Variants in NDST4 observed in about 807,000 individuals in gnomAD.
NDST4 encodes N-heparan sulfate sulfotransferase 4.
A neutral mutation model predicts 100.8 loss-of-function variants in NDST4; 63 were observed. That is an observed-to-expected ratio of 0.62 (90% CI 0.51 to 0.77). The LOEUF (loss-of-function observed/expected upper bound fraction) is 0.77. Among genes scored for constraint, NDST4 ranks in the 30% least tolerant of loss-of-function variants. The pLI, the probability that NDST4 is intolerant of heterozygous loss-of-function variation, is 0.00. For synonymous variants in NDST4, 377 were observed against 361.8 expected, an observed-to-expected ratio of 1.04 and a Z score of -0.48; for missense variants, 943 against 1,018.4, an observed-to-expected ratio of 0.93 and a Z score of 1.01.
intron 1 of NDST4, among the ~76,000 whole-genome samples, chr4:115,103,546 T>C (rs867492272): frequency 6.6e-6 from 1 of 152,174 alleles, no homozygotes; most frequent in Admixed American, 6.5e-5. Context: ...TAATAAACCC[T>C]GTAGTTATGG....
chr4:114,920,438 T>G (rs1199208090), intron 6 of NDST4, among the ~76,000 whole-genome samples: 1 of 152,150 alleles, frequency 6.6e-6, no homozygotes, highest in Non-Finnish European at 1.5e-5. Flanking sequence ...TGTGTACCTG[T>G]GTGTGAAAGA....
intron 6 of NDST4, among the ~76,000 whole-genome samples, chr4:114,894,726 C>A (rs987561101): frequency 6.6e-6 from 1 of 152,220 alleles, no homozygotes; most frequent in African/African-American, 2.4e-5. Flanking sequence ...TTTGAATAGG[C>A]TTTATGTCTT....
At chr4:114,831,833 A>T (rs961126268) in intron 12 of NDST4, among the ~76,000 whole-genome samples, 2 of 152,204 alleles carry the variant, frequency 1.3e-5, no homozygotes, top group Non-Finnish European at 2.9e-5. Flanking sequence ...ATCCTCTCTA[A>T]GTTATATCAA....
intron 6 of NDST4, among the ~76,000 whole-genome samples, chr4:114,902,940 CTT>C (rs1724876686): frequency 6.6e-6 from 1 of 152,062 alleles, no homozygotes; most frequent in Non-Finnish European, 1.5e-5. Context: ...ATTTCCATCT[CTT>C]ATATTCTACA....
chr4:114,917,251 T>C (rs938899537), intron 6 of NDST4, among the ~76,000 whole-genome samples: 5 of 152,160 alleles, frequency 3.3e-5, no homozygotes, highest in African/African-American at 4.8e-5. Flanking sequence ...TCAGCACATA[T>C]GCTTTTGTTT....
At chr4:114,868,363 A>G (rs1320813919) in intron 7 of NDST4, among the ~76,000 whole-genome samples, 1 of 152,102 alleles carries the variant, frequency 6.6e-6, no homozygotes, top group Non-Finnish European at 1.5e-5. Context: ...AAGGGTGACA[A>G]TGCTTACCAT....
chr4:114,985,829 G>A (rs1026066242), intron 2 of NDST4, among the ~76,000 whole-genome samples: 1 of 152,166 alleles, frequency 6.6e-6, no homozygotes, highest in African/African-American at 2.4e-5. Flanking sequence ...GTCCACCCTG[G>A]AAAAGTGGCA....
chr4:115,036,323 T>C (rs1340437762), intron 2 of NDST4, among the ~76,000 whole-genome samples: 1 of 151,118 alleles, frequency 6.6e-6, no homozygotes, highest in African/African-American at 2.4e-5. Context: ...TCACTGGTTG[T>C]CATGGTTTAC....
rs777935255 is a variant in NDST4 at position 114,970,499 on chromosome 4, C to T, written c.1152G>A (p.Met384Ile). 1 of 1,614,100 alleles carries T rather than the reference C, an allele frequency of 6.2e-7. No homozygotes were observed. The highest frequency in any genetic ancestry group is 8.5e-7 in the Non-Finnish European group (1 of 1,179,946). ...ACTCGTTGTGGAAGAGGTGGGGCTG[C>T]ATGTGGCTCCACATGTGAGGAAACC... ...FWWFPHMWSH[M>I]QPHLFHNESS... Residue 384 changes from methionine (M) to isoleucine (I), a missense_variant, in exon 4 of 14, where the codon ATG (methionine) becomes ATA (isoleucine). Met to Ile is a conservative substitution (Grantham distance 10, BLOSUM62 1). Around this residue, in one of 2 missense-constraint regions of NDST4, gnomAD observed 526 missense variants for 634.1 expected, o/e 0.83. Transcript: ENST00000264363.
chr4:114,865,158 G>A (rs1186206466), intron 7 of NDST4, among the ~76,000 whole-genome samples: 1 of 151,290 alleles, frequency 6.6e-6, no homozygotes, highest in East Asian at 1.9e-4. Flanking sequence ...TCTGCCTCCT[G>A]GAGTCAAGTG....
chr4:114,969,681 G>A (rs1295156434), intron 4 of NDST4, among the ~76,000 whole-genome samples: 2 of 152,154 alleles, frequency 1.3e-5, no homozygotes, highest in African/African-American at 2.4e-5. Context: ...GTTCCATGGT[G>A]TATATATGGA....
rs543212567 is a variant in NDST4 at position 114,975,221 on chromosome 4, AAT to A, written c.1066+1964_1066+1965del. 1.1e-4 allele frequency among the ~76,000 whole-genome samples: 16 copies of A among 152,240 alleles called. No individual in the cohort carries two copies. In the East Asian group the frequency reaches 2.9e-3, roughly 28 times the overall value. ...CATATAATTATGATGGCACTCTTGA[AAT>A]ATGTTATAGGTGCATTTCAATGATC... On this transcript the variant is annotated intron_variant, in intron 3 of 13. Coordinates refer to ENST00000264363, the MANE Select transcript of NDST4 (RefSeq NM_022569.3).
In NDST4 at chr4:115,022,046, T is replaced by TATA. The variant is rs1396644217; in HGVS notation, c.979-44773_979-44772insTAT. 9.2e-5 allele frequency among the ~76,000 whole-genome samples: 14 copies of TATA among 152,126 alleles called. 1 individual carries two copies. The highest frequency in any genetic ancestry group is 3.4e-4 in the African/African-American group (14 of 41,502). The stretch of plus-strand genomic sequence containing the variant: ...ATGTTCCATATCTCTATGTTCCATA[T>TATA]CTCTATGTTCCATATATACATTCCA... On this transcript the variant is annotated intron_variant, in intron 2 of 13. Transcript: ENST00000264363.
chr4:115,016,806 A>C (rs1727687752), intron 2 of NDST4, among the ~76,000 whole-genome samples: 1 of 152,102 alleles, frequency 6.6e-6, no homozygotes, highest in Admixed American at 6.6e-5. Context: ...TCCAGAATGA[A>C]GGTGTGGGTC....
intron 2 of NDST4, among the ~76,000 whole-genome samples, chr4:115,050,590 T>C (rs1728562544): frequency 6.6e-6 from 1 of 152,172 alleles, no homozygotes; most frequent in Non-Finnish European, 1.5e-5. Context: ...GTAATAACTT[T>C]GTTTTATGGG....
chr4:114,862,292 A>G (rs1466983764), intron 7 of NDST4, among the ~76,000 whole-genome samples: 2 of 152,200 alleles, frequency 1.3e-5, no homozygotes, highest in Non-Finnish European at 2.9e-5. Flanking sequence ...GTTAATGAGT[A>G]CACCATCACT....
At chr4:114,848,780 G>A (rs77912491) in intron 8 of NDST4, among the ~76,000 whole-genome samples, 3,035 of 152,296 alleles carry the variant, frequency 0.02, 133 homozygotes, top group South Asian at 0.18. Context: ...AGAGGTTGAT[G>A]TGCTACTCTG....
At chr4:114,846,324 G>A (rs143126090) in intron 9 of NDST4, among the ~76,000 whole-genome samples, 36 of 152,266 alleles carry the variant, frequency 2.4e-4, no homozygotes, top group African/African-American at 7.9e-4. Context: ...GTGGCAAATA[G>A]CAAATTACAC....
At chr4:114,958,392 C>T (rs1246734400) in intron 4 of NDST4, among the ~76,000 whole-genome samples, 1 of 147,756 alleles carries the variant, frequency 6.8e-6, no homozygotes, top group African/African-American at 2.7e-5. Context: ...TCATCTCCAT[C>T]TGAGACCCCC....
Sources: gnomAD v4.1 joint callset for allele counts (sites outside exome capture counted in the v4.1 genomes callset) on GRCh38, gnomAD v4.1.1 for gene constraint, gnomAD v4.1.1 regional missense constraint, MANE v1.5 for transcripts, NCBI Gene and HGNC (gene_info 2026-07-23, HGNC 2026-07-21) for gene names.